Variants in AGBL4 observed in about 807,000 individuals in gnomAD.
AGBL4 encodes cytosolic carboxypeptidase 6.
A neutral mutation model predicts 66.4 loss-of-function variants in AGBL4; 58 were observed. The ratio of observed to expected loss-of-function variants is 0.87; its 90% CI spans 0.71 to 1.09. The LOEUF (loss-of-function observed/expected upper bound fraction) is 1.09. Among genes scored for constraint, AGBL4 ranks in the 50% least tolerant of loss-of-function variants. AGBL4 has a pLI of 0.00. For synonymous variants in AGBL4, 234 were observed against 222.9 expected (o/e 1.05, Z -0.44); for missense variants, 579 against 631.0 (o/e 0.92, Z 0.88).
intron 6 of AGBL4, among the ~76,000 whole-genome samples, chr1:48,671,787 A>G (rs1327802133): frequency 1.3e-5 from 2 of 152,224 alleles, no homozygotes; most frequent in African/African-American, 4.8e-5. Flanking sequence ...TTGTATTCCC[A>G]GTGCCTGGCA....
At chr1:48,797,289 T>C (rs1379472250) in intron 6 of AGBL4, among the ~76,000 whole-genome samples, 1 of 152,232 alleles carries the variant, frequency 6.6e-6, no homozygotes, top group African/African-American at 2.4e-5. Flanking sequence ...AGTTCTTTAG[T>C]GGTGATTTCT....
intron 6 of AGBL4, among the ~76,000 whole-genome samples, chr1:48,666,272 T>C (rs1646186272): frequency 6.6e-6 from 1 of 151,906 alleles, no homozygotes; most frequent in South Asian, 2.1e-4. Flanking sequence ...GCAAAGCCAA[T>C]TAAACATATT....
intron 3 of AGBL4, among the ~76,000 whole-genome samples, chr1:49,503,177 T>C (rs1177304047): frequency 6.6e-6 from 1 of 152,018 alleles, no homozygotes; most frequent in East Asian, 1.9e-4. Context: ...CAAGGTACAG[T>C]CCAGGCTGTA....
At chr1:48,588,656 A>AGTGTGTGTGTGTGTGTGTGTGT (rs57683318) in intron 10 of AGBL4, among the ~76,000 whole-genome samples, 45 of 147,626 alleles carry the variant, frequency 3.0e-4, no homozygotes, top group African/African-American at 1.0e-3. Context: ...GAAACAGAGA[A>AGTGTGTGTGTGTGTGTGTGTGT]GTGTGTGTGT....
intron 3 of AGBL4, among the ~76,000 whole-genome samples, chr1:49,465,210 T>TACACACACACACACACAC (rs3054630): frequency 1.7e-5 from 2 of 116,792 alleles, no homozygotes; most frequent in African/African-American, 6.5e-5. Flanking sequence ...TACCCCTACA[T>TACACACACACACACACAC]ACACACACAC....
intron 6 of AGBL4, among the ~76,000 whole-genome samples, chr1:48,813,168 TGAAACACAGAA>T (rs1646096470): frequency 6.6e-6 from 1 of 152,004 alleles, no homozygotes; most frequent in African/African-American, 2.4e-5. Context: ...AGGGGGCTGT[TGAAACACAGAA>T]GAGGCACCTA....
intron 2 of AGBL4, among the ~76,000 whole-genome samples, chr1:49,809,097 T>C (rs2147965490): frequency 6.6e-6 from 1 of 152,254 alleles, no homozygotes; most frequent in South Asian, 2.1e-4. Context: ...AAATATTACA[T>C]TTTATTGCAA....
At chr1:49,618,839 A>G (rs1405472835) in intron 3 of AGBL4, among the ~76,000 whole-genome samples, 1 of 152,178 alleles carries the variant, frequency 6.6e-6, no homozygotes, top group African/African-American at 2.4e-5. Flanking sequence ...TAAACGTAAT[A>G]CATCACATAA....
intron 4 of AGBL4, among the ~76,000 whole-genome samples, chr1:49,244,052 C>T (rs1442511238): frequency 6.6e-6 from 1 of 151,668 alleles, no homozygotes; most frequent in Non-Finnish European, 1.5e-5. Flanking sequence ...GCAGAGAAGA[C>T]ACAACATAGT....
At chr1:48,843,536 T>C (rs926255148) in intron 6 of AGBL4, among the ~76,000 whole-genome samples, 3 of 152,126 alleles carry the variant, frequency 2.0e-5, no homozygotes, top group African/African-American at 7.2e-5. Flanking sequence ...TAAACCATAA[T>C]CAAAAGAAGA....
intron 5 of AGBL4, among the ~76,000 whole-genome samples, chr1:48,943,843 G>A (rs993826131): frequency 2.6e-5 from 4 of 152,220 alleles, no homozygotes; most frequent in South Asian, 2.1e-4. Context: ...ATGTATACAC[G>A]TGTGCGTGGT....
chr1:49,138,512 G>C (rs1646057046), intron 4 of AGBL4, among the ~76,000 whole-genome samples: 1 of 152,076 alleles, frequency 6.6e-6, no homozygotes, highest in Non-Finnish European at 1.5e-5. Context: ...CCATCACATG[G>C]AGTCTGGCTT....
intron 3 of AGBL4, among the ~76,000 whole-genome samples, chr1:49,326,524 G>A (rs1645231344): frequency 6.6e-6 from 1 of 151,964 alleles, no homozygotes; most frequent in African/African-American, 2.4e-5. Context: ...GAGAAGGGAA[G>A]GAAAATAATT....
At chr1:49,436,920 G>GA (rs1289585726) in intron 3 of AGBL4, among the ~76,000 whole-genome samples, 5 of 151,962 alleles carry the variant, frequency 3.3e-5, no homozygotes, top group South Asian at 2.1e-4. Flanking sequence ...AACAGGAGCA[G>GA]AAAAAAAATT....
intron 3 of AGBL4, among the ~76,000 whole-genome samples, chr1:49,566,175 C>T (rs1372243647): frequency 6.6e-6 from 1 of 152,116 alleles, no homozygotes; most frequent in African/African-American, 2.4e-5. Flanking sequence ...GACTTCTCTG[C>T]ATTGGTTATT....
chr1:48,934,536 A>G (rs1655296949), intron 5 of AGBL4, among the ~76,000 whole-genome samples: 1 of 152,176 alleles, frequency 6.6e-6, no homozygotes, highest in African/African-American at 2.4e-5. Context: ...TATGCTAGAC[A>G]TCACCACCCA....
At chr1:49,825,854 T>TACAC (rs141160951) in intron 2 of AGBL4, among the ~76,000 whole-genome samples, 22 of 148,298 alleles carry the variant, frequency 1.5e-4, no homozygotes, top group African/African-American at 4.2e-4. Flanking sequence ...CACTCACACA[T>TACAC]ACACACACAC....
intron 5 of AGBL4, among the ~76,000 whole-genome samples, chr1:49,043,681 A>C (rs993081722): frequency 6.6e-6 from 1 of 152,236 alleles, no homozygotes; most frequent in African/African-American, 2.4e-5. Context: ...CAAAATATAT[A>C]GGCAACAGAT....
At chr1:49,697,090 T>G (rs975855518) in intron 3 of AGBL4, among the ~76,000 whole-genome samples, 2 of 152,170 alleles carry the variant, frequency 1.3e-5, no homozygotes, top group African/African-American at 4.8e-5. Context: ...TAAGGAACAC[T>G]TTATTCTCAG....
Sources: gnomAD v4.1 joint callset for allele counts (sites outside exome capture counted in the v4.1 genomes callset) on GRCh38, gnomAD v4.1.1 for gene constraint, MANE v1.5 for transcripts, NCBI Gene and HGNC (gene_info 2026-07-23, HGNC 2026-07-21) for gene names.